Variants in GPR158 observed in about 807,000 individuals in gnomAD.
The protein encoded by GPR158 is G protein-coupled receptor 158, also known as metabotropic glycine receptor.
A neutral mutation model predicts 78.2 loss-of-function variants in GPR158; 30 were observed. The ratio of observed to expected loss-of-function variants is 0.38; its 90% confidence interval spans 0.29 to 0.52. GPR158 has a LOEUF of 0.52. Ranked by LOEUF, GPR158 falls within the 20% of genes least tolerant of loss-of-function variation. GPR158 has a pLI of 0.83. For synonymous variants in GPR158, 581 were observed against 591.1 expected (o/e 0.98, Z 0.25); for missense variants, 1,463 against 1,523.5 (o/e 0.96, Z 0.66).
At chr10:25,544,240 A>G (rs933921336) in intron 5 of GPR158, among the ~76,000 whole-genome samples, 2 of 152,152 alleles carry the variant, frequency 1.3e-5, no homozygotes, top group Non-Finnish European at 2.9e-5. Flanking sequence ...CAACGTCTTT[A>G]TAACTATCAC....
intron 2 of GPR158, among the ~76,000 whole-genome samples, chr10:25,311,800 A>C (rs1257542998): frequency 6.6e-6 from 1 of 151,110 alleles, no homozygotes; most frequent in East Asian, 1.9e-4. Flanking sequence ...TTAAAAGGAC[A>C]GTGGTAATCC....
chr10:25,430,650 G>A (rs1207853843), intron 4 of GPR158, among the ~76,000 whole-genome samples: 1 of 149,404 alleles, frequency 6.7e-6, no homozygotes, highest in Admixed American at 6.7e-5. Context: ...CATGGTACTG[G>A]TACCAAAACA....
intron 1 of GPR158, among the ~76,000 whole-genome samples, chr10:25,181,623 T>C (rs190173485): frequency 3.8e-4 from 58 of 152,350 alleles, no homozygotes; most frequent in Admixed American, 2.0e-3. Context: ...TAATTTTCAG[T>C]TTCTTCAACT....
chr10:25,188,008 A>C (rs1749122233), intron 1 of GPR158, among the ~76,000 whole-genome samples: 2 of 152,218 alleles, frequency 1.3e-5, no homozygotes, highest in Non-Finnish European at 2.9e-5. Flanking sequence ...CAGAGAGCCA[A>C]ATTATGAGTG....
At chr10:25,592,039 T>A (rs1372077848) in intron 8 of GPR158, among the ~76,000 whole-genome samples, 1 of 151,982 alleles carries the variant, frequency 6.6e-6, no homozygotes, top group Non-Finnish European at 1.5e-5. Flanking sequence ...AGCAATAACA[T>A]AATAATTTAA....
chr10:25,433,584 C>A (rs929783717), intron 4 of GPR158, among the ~76,000 whole-genome samples: 2 of 139,172 alleles, frequency 1.4e-5, no homozygotes, highest in African/African-American at 5.5e-5. Context: ...CGCGCGCGTG[C>A]GCGTGCGCAT....
chr10:25,467,992 G>A (rs948836804), intron 5 of GPR158, among the ~76,000 whole-genome samples: 6 of 151,882 alleles, frequency 4.0e-5, no homozygotes, highest in Non-Finnish European at 8.8e-5. Flanking sequence ...TATGAATTCT[G>A]CCTAATGGCA....
At chr10:25,457,143 T>TTG (rs1835302237) in intron 4 of GPR158, among the ~76,000 whole-genome samples, 1 of 119,288 alleles carries the variant, frequency 8.4e-6, no homozygotes, top group African/African-American at 4.2e-5. Flanking sequence ...TGCCCACCTT[T>TTG]TTTTTTTTTT....
chr10:25,306,233 A>T (rs561437508), intron 2 of GPR158, among the ~76,000 whole-genome samples: 1 of 152,194 alleles, frequency 6.6e-6, no homozygotes, highest in South Asian at 2.1e-4. Flanking sequence ...TTTATTAATC[A>T]CTTTTATTTA....
intron 5 of GPR158, among the ~76,000 whole-genome samples, chr10:25,516,414 C>CT (rs1836175022): frequency 1.3e-5 from 2 of 152,224 alleles, no homozygotes; most frequent in South Asian, 4.1e-4. Context: ...GCTGCCATTG[C>CT]TTTTGGTGTT....
rs1478759724 is a variant in GPR158 at position 25,175,865 on chromosome 10, A to G, written c.445A>G (p.Asn149Asp). 6.2e-7 allele frequency: 1 copy of G among 1,613,850 alleles called. No homozygotes were observed. Among genetic ancestry groups the G allele is most frequent in the Non-Finnish European group, 8.5e-7 (1 of 1,179,992 alleles). Residue 149 changes from asparagine (N) to aspartate (D), a missense_variant, in exon 1 of 11, where the codon AAC becomes GAC. Asn to Asp is a conservative substitution (Grantham distance 23). Coordinates refer to ENST00000376351, the MANE Select transcript of GPR158 (RefSeq NM_020752.3). This position sits in a 1 kb window ranked among gnomAD's most constrained non-coding sequence, Gnocchi z 6.4. ...MLQSNKSREQ[N>D]LQDDLDWYQA... ...GCAGAGCAATAAGTCGCGGGAGCAG[A>G]ACTTGCAGGACGACCTGGATTGGTA...
At chr10:25,503,541 A>G (rs1835969828) in intron 5 of GPR158, among the ~76,000 whole-genome samples, 1 of 152,212 alleles carries the variant, frequency 6.6e-6, no homozygotes, top group Non-Finnish European at 1.5e-5. Flanking sequence ...TAGCTCTCTT[A>G]CTAAAGCAGA....
intron 5 of GPR158, among the ~76,000 whole-genome samples, chr10:25,495,660 G>A (rs968532504): frequency 5.9e-5 from 9 of 152,060 alleles, no homozygotes; most frequent in Middle Eastern, 3.4e-3. Context: ...AAATGATGAT[G>A]AGTGGTATGT....
chr10:25,550,524 C>T (rs968272177), intron 5 of GPR158, among the ~76,000 whole-genome samples: 2 of 151,928 alleles, frequency 1.3e-5, no homozygotes, highest in African/African-American at 2.4e-5. Flanking sequence ...CTCACTTGTT[C>T]GTTTTGGACA....
At chr10:25,432,011 A>G (rs924149380) in intron 4 of GPR158, among the ~76,000 whole-genome samples, 10 of 72,412 alleles carry the variant, frequency 1.4e-4, no homozygotes, top group African/African-American at 3.4e-4. Context: ...ATAATAATAA[A>G]ATAAAAAAAA....
chr10:25,523,727 A>G (rs1351104029), intron 5 of GPR158, among the ~76,000 whole-genome samples: 3 of 152,224 alleles, frequency 2.0e-5, no homozygotes, highest in Admixed American at 2.0e-4. Context: ...TAGACCTAGC[A>G]GACATCTGTA....
At chr10:25,490,449 C>T (rs182592638) in intron 5 of GPR158, among the ~76,000 whole-genome samples, 1,006 of 78,244 alleles carry the variant, frequency 0.013, 39 homozygotes, top group African/African-American at 0.047. Context: ...CCCCTCCCCC[C>T]ACCCCACCAC....
intron 6 of GPR158, 49 bp downstream of exon 6, chr10:25,551,134 C>A: frequency 9.7e-7 from 1 of 1,029,278 alleles, no homozygotes; most frequent in Non-Finnish European, 1.5e-6. Flanking sequence ...TCAAACTAAT[C>A]AGCTTGGCAC....
chr10:25,456,100 T>C (rs182964741), intron 4 of GPR158, among the ~76,000 whole-genome samples: 58 of 152,304 alleles, frequency 3.8e-4, no homozygotes, highest in African/African-American at 1.4e-3. Context: ...AGTCTACCTT[T>C]GTTGCTTGCC....
Sources: allele counts gnomAD v4.1 joint callset (sites outside exome capture counted in the v4.1 genomes callset), GRCh38; gene constraint gnomAD v4.1.1; non-coding constraint Gnocchi (gnomAD v3.1); transcripts MANE v1.5; gene names NCBI Gene and HGNC (gene_info 2026-07-23, HGNC 2026-07-21).